The following TAGLN2 variants were observed in gnomAD, a reference collection of about 807,000 sequenced individuals.
TAGLN2 encodes transgelin-2.
In TAGLN2, 14 loss-of-function variants were observed where a neutral mutation model predicts 24.9. The observed-to-expected ratio is 0.56, with a 90% CI of 0.37 to 0.88. TAGLN2 has a LOEUF of 0.88. Among genes scored for constraint, TAGLN2 ranks in the 40% least tolerant of loss-of-function variants. TAGLN2 has a pLI of 0.00. For synonymous variants in TAGLN2, 77 were observed against 98.2 expected (o/e 0.78, Z 1.28); for missense variants, 208 against 258.9 (o/e 0.80, Z 1.35).
At position 159,919,962 on chromosome 1, in the gene TAGLN2, C is replaced by G. The variant is rs190613447; in HGVS notation, c.181-127G>C. ...CTGTCTTGCCTGAAGACAGCTTGGACTCTTTCACTAGAGTAAGCCTCACAG... is the reference window on the plus strand; with the variant it reads ...CTGTCTTGCCTGAAGACAGCTTGGAGTCTTTCACTAGAGTAAGCCTCACAG... On this transcript the variant is annotated intron_variant, in intron 2 of 4. Transcript: ENST00000368097. 1.1e-3 allele frequency: 1,164 copies of G among 1,068,710 alleles called. 9 individuals are homozygous for G. The highest frequency in any genetic ancestry group is 2.0e-4 in the Non-Finnish European group (142 of 718,242). 66.2% of individuals were successfully genotyped at this position (1,068,710 alleles called of 1,614,324 possible). A position where few individuals can be genotyped will look rare whatever the true frequency, so the allele number is the denominator to read the frequency against.
rs1650436798 is a variant in TAGLN2 at position 159,919,082 on chromosome 1, A to G, written c.459-141T>C. Reference sequence around the variant, plus strand: ...CGAGAGCCATAAGCTCTCTGAAGCCACCTCCTCATCTGTCCAAAGGGACAG... The same window carrying G: ...CGAGAGCCATAAGCTCTCTGAAGCCGCCTCCTCATCTGTCCAAAGGGACAG... On this transcript the variant is annotated intron_variant, in intron 4 of 4. Coordinates refer to ENST00000368097, the MANE Select transcript of TAGLN2 (RefSeq NM_003564.3). The G allele has an allele frequency of 2.9e-6, 4 of 1,377,058 alleles. No individual in the cohort carries two copies. The East Asian group carries it at 9.4e-5, about 32-fold the overall frequency. 85.3% of individuals were successfully genotyped at this position (1,377,058 alleles called of 1,614,324 possible).
At chr1:159,923,019 G>A (rs983866675) in intron 1 of TAGLN2, among the ~76,000 whole-genome samples, 1 of 152,236 alleles carries the variant, frequency 6.6e-6, no homozygotes, top group African/African-American at 2.4e-5. Context: ...AGAAGGGGCA[G>A]TTCCAACCAG....
In TAGLN2 at chr1:159,918,855, C is replaced by A; in HGVS notation, c.545G>T (p.Arg182Leu). The stretch of plus-strand genomic sequence containing the variant: ...AGTCATGCCTGCCTGAGACGCCCCG[C>A]GGTTGGTGCCCATCTGTAACCCGAT... ...NVIGLQMGTN[R>L]GASQAGMTGY... The change falls in exon 5 of 5, where the codon CGC becomes CTC. Residue 182 changes from arginine (R) to leucine (L), a missense_variant. Coordinates refer to ENST00000368097, the MANE Select transcript of TAGLN2 (RefSeq NM_003564.3). 1 of 1,614,238 alleles carries A rather than the reference C, an allele frequency of 6.2e-7. No individual in the cohort carries two copies.
intron 1 of TAGLN2, among the ~76,000 whole-genome samples, chr1:159,921,872 G>A (rs1298693737): frequency 6.6e-6 from 1 of 152,226 alleles, no homozygotes; most frequent in African/African-American, 2.4e-5. Context: ...ATGCCAAGGG[G>A]AGCCAAGAAC....
At position 159,920,380 on chromosome 1, in the gene TAGLN2, G is replaced by A. The variant is rs1217788417; in HGVS notation, c.130C>T (p.Arg44Trp). Residue 44 changes from arginine to tryptophan, a missense_variant, in exon 2 of 5, where the codon CGG becomes TGG. Transcript: ENST00000368097. ...AAGTTCTCGCGTCCAGGCTGGGGCC[G>A]GCCCACATCCTTTCGGCACTGGGTG... ...ITTQCRKDVGRPQPGRENFQN... is the reference protein window; with the variant it reads ...ITTQCRKDVGWPQPGRENFQN... The A allele has an allele frequency of 5.6e-6, 9 of 1,614,184 alleles. No homozygotes were observed. Among genetic ancestry groups the A allele is most frequent in the South Asian group, 2.2e-5 (2 of 91,088 alleles).
intron 4 of TAGLN2, 159 bp downstream of exon 4, chr1:159,919,115 C>A (rs1329957443): frequency 2.4e-6 from 3 of 1,262,480 alleles, no homozygotes. Context: ...CAGTCATTTG[C>A]CATCCCAGAG....
At chr1:159,924,363 GTC>G (rs1234462815) in intron 1 of TAGLN2, 2 of 152,382 alleles carry the variant, frequency 1.3e-5, no homozygotes, top group Admixed American at 6.5e-5. Flanking sequence ...AGCCATTGCT[GTC>G]TGGTGCTTTG....
Position 159,918,184 on chromosome 1 carries a change from C to G in TAGLN2, c.*616G>C, listed in dbSNP as rs1650402225. On this transcript the variant is annotated 3_prime_UTR_variant, in exon 5 of 5. Transcript: ENST00000368097. ...AAGCCCCAGACCATGGTAGGCAGCC[C>G]TCCCTCTCCATCCCCTCACCCCACC... 6.6e-6 allele frequency: 1 copy of G among 152,306 alleles called. No individual in the cohort carries two copies. Among genetic ancestry groups the G allele is most frequent in the Non-Finnish European group, 1.5e-5 (1 of 68,106 alleles). The allele number at this position is 152,306 out of a possible 1,614,324, so 9.4% of individuals were successfully genotyped here.
At chr1:159,923,231 GGGGGACCCCCAGAGCT>G (rs971235139) in intron 1 of TAGLN2, among the ~76,000 whole-genome samples, 1 of 152,366 alleles carries the variant, frequency 6.6e-6, no homozygotes. Context: ...AGACAGGTGT[GGGGGACCCCCAGAGCT>G]GGGGACCCCA....
chr1:159,923,508 G>A lies in TAGLN2; in HGVS notation c.-29+1942C>T. 1.9e-6 allele frequency: 3 copies of A among 1,542,802 alleles called. No homozygotes were observed. The South Asian group carries it at 3.6e-5, about 19-fold the overall frequency. ...GGAGGACTTCAGGGTTCTTGGCTAG[G>A]GTGTTTAATTGGGAAGACAAAGGGA... On this transcript the variant is annotated intron_variant, in intron 1 of 4. Transcript: ENST00000368097.
intron 1 of TAGLN2, among the ~76,000 whole-genome samples, chr1:159,924,835 C>A (rs1372506437): frequency 3.3e-5 from 5 of 152,202 alleles, no homozygotes; most frequent in Non-Finnish European, 7.3e-5. Flanking sequence ...AGGGCTGCAG[C>A]ACCCAGACCC....
At chr1:159,923,690 ACC>A in intron 1 of TAGLN2, 1 of 472,432 alleles carries the variant, frequency 2.1e-6, no homozygotes, top group Non-Finnish European at 3.8e-6. Flanking sequence ...AATTAAGGGA[ACC>A]ACCGTAGGGC....
intron 1 of TAGLN2, among the ~76,000 whole-genome samples, chr1:159,922,653 G>A (rs1650570692): frequency 6.6e-6 from 1 of 152,216 alleles, no homozygotes; most frequent in Admixed American, 6.5e-5. Flanking sequence ...TCTCCTGGGA[G>A]TGGCTGTGCT....
Position 159,922,216 on chromosome 1 carries a change from CTG to C in TAGLN2, c.-28-1681_-28-1680del, listed in dbSNP as rs566840215. On this transcript the variant is annotated intron_variant, in intron 1 of 4. Transcript: ENST00000368097. Reference sequence around the variant, plus strand: ...CCTCAACACCTCTCGGCCGCAGAGGCTGTGTCTTGGGCCAGTCCCTCCCGTCC... The same window carrying C: ...CCTCAACACCTCTCGGCCGCAGAGGCTGTCTTGGGCCAGTCCCTCCCGTCC... 2.7e-3 allele frequency among the ~76,000 whole-genome samples: 408 copies of C among 152,312 alleles called. 1 individual carries two copies. The highest frequency in any genetic ancestry group is 9.5e-3 in the African/African-American group (393 of 41,570).
chr1:159,923,327 C>A, intron 1 of TAGLN2: 1 of 1,288,138 alleles, frequency 7.8e-7, no homozygotes, highest in Non-Finnish European at 1.1e-6. Flanking sequence ...AGCGCTACTG[C>A]AGCTGTGAGA....
Position 159,918,773 on chromosome 1 carries a change from A to C in TAGLN2, c.*27T>G, listed in dbSNP as rs970685163. On this transcript the variant is annotated 3_prime_UTR_variant, in exon 5 of 5. Coordinates refer to ENST00000368097, the MANE Select transcript of TAGLN2 (RefSeq NM_003564.3). ...TACATATATATTAACCATTCGTGGGAGGGCAGGGGCAAGGCCTGGGGTGGG... is the reference window on the plus strand; with the variant it reads ...TACATATATATTAACCATTCGTGGGCGGGCAGGGGCAAGGCCTGGGGTGGG... 1.2e-6 allele frequency: 2 copies of C among 1,605,114 alleles called. No individual in the cohort carries two copies. The highest frequency in any genetic ancestry group is 1.7e-6 in the Non-Finnish European group (2 of 1,174,370).
intron 1 of TAGLN2, among the ~76,000 whole-genome samples, chr1:159,922,704 A>G (rs1290906009): frequency 1.3e-5 from 2 of 152,110 alleles, no homozygotes; most frequent in Non-Finnish European, 2.9e-5. Flanking sequence ...AGGCTCGGGG[A>G]TCACCATGGC....
intron 1 of TAGLN2, among the ~76,000 whole-genome samples, chr1:159,921,969 G>A (rs1189058817): frequency 6.6e-6 from 1 of 152,258 alleles, no homozygotes; most frequent in African/African-American, 2.4e-5. Context: ...CTAGCTGTCA[G>A]GCTGCTCACG....
chr1:159,919,853 G>T lies in TAGLN2; in HGVS notation c.181-18C>A. On this transcript the variant is annotated intron_variant, in intron 2 of 4. Transcript: ENST00000368097. ...CATAGCACCTGGATGAGGACAGCAGGGGTGGAAAGGTGAGAATATGCCTAC... is the reference window on the plus strand; with the variant it reads ...CATAGCACCTGGATGAGGACAGCAGTGGTGGAAAGGTGAGAATATGCCTAC... 6.2e-7 allele frequency: 1 copy of T among 1,610,410 alleles called. No homozygotes were observed. Among genetic ancestry groups the T allele is most frequent in the Non-Finnish European group, 8.5e-7 (1 of 1,177,112 alleles).
Sources: allele counts gnomAD v4.1 joint callset (sites outside exome capture counted in the v4.1 genomes callset), GRCh38; gene constraint gnomAD v4.1.1; transcripts MANE v1.5; gene names NCBI Gene and HGNC (gene_info 2026-07-23, HGNC 2026-07-21).